The following CPVL variants were observed in gnomAD, a reference collection of about 807,000 sequenced individuals.
CPVL encodes carboxypeptidase vitellogenic like.
In CPVL, 51 loss-of-function variants were observed where a neutral mutation model predicts 63.7. The observed-to-expected ratio is 0.80, with a 90% confidence interval of 0.64 to 1.01. CPVL has a LOEUF of 1.01. Among genes scored for constraint, CPVL ranks in the 50% least tolerant of loss-of-function variants. CPVL has a pLI of 0.00. For missense variants in CPVL, 530 were observed against 573.1 expected (o/e 0.92, Z 0.77); for synonymous variants, 195 against 206.0 (o/e 0.95, Z 0.46).
intron 11 of CPVL, among the ~76,000 whole-genome samples, chr7:29,053,098 C>T (rs987052514): frequency 3.3e-5 from 5 of 152,164 alleles, no homozygotes; most frequent in Admixed American, 3.3e-4. Context: ...AATCAAAGCC[C>T]AATGAGATAG....
At chr7:29,182,141 C>T (rs1335392686) in intron 4 of CPVL, among the ~76,000 whole-genome samples, 2 of 152,248 alleles carry the variant, frequency 1.3e-5, no homozygotes, top group South Asian at 2.1e-4. Flanking sequence ...TGCTGTCTTC[C>T]TCTTAATGAA....
intron 11 of CPVL, among the ~76,000 whole-genome samples, chr7:29,060,339 T>C (rs160860): frequency 0.067 from 10,162 of 152,190 alleles, 365 homozygotes; most frequent in South Asian, 0.12. Flanking sequence ...CAAAGGAGCA[T>C]AGCCAGTGAC....
At chr7:29,171,540 C>T (rs1329360940) in intron 5 of CPVL, among the ~76,000 whole-genome samples, 4 of 152,120 alleles carry the variant, frequency 2.6e-5, no homozygotes, top group South Asian at 2.1e-4. Flanking sequence ...CTTTGAAGGG[C>T]TTTCTTTGTA....
At position 29,113,034 on chromosome 7, in the gene CPVL, T is replaced by C. The variant is rs1788409650; in HGVS notation, c.170-212A>G. On this transcript the variant is annotated intron_variant, in intron 2 of 12. Transcript: ENST00000265394. ...TTTAGCCAAGGATATGTGAAAGTTT[T>C]AAGCCTTTGGGGAGGGGTGCCCAAA... 8.5e-6 allele frequency: 4 copies of C among 473,306 alleles called. No homozygotes were observed. In the East Asian group the frequency reaches 9.2e-5, roughly 11 times the overall value. 29.3% of individuals were successfully genotyped at this position (473,306 alleles called of 1,614,324 possible).
upstream of CPVL, chr7:29,148,556 A>G (rs533452628): frequency 6.6e-6 from 1 of 152,366 alleles, no homozygotes; most frequent in African/African-American, 2.4e-5. Flanking sequence ...TACATTTATT[A>G]AAATAATTAA....
intron 5 of CPVL, among the ~76,000 whole-genome samples, chr7:29,158,841 T>C (rs1794787856): frequency 6.6e-6 from 1 of 152,220 alleles, no homozygotes; most frequent in Non-Finnish European, 1.5e-5. Flanking sequence ...GAGAGATACT[T>C]CTGACATTCC....
rs34421309 is a variant in CPVL, at chr7:29,069,440, C to CA, written c.864+2332dup. On this transcript the variant is annotated intron_variant, in intron 9 of 12. Transcript: ENST00000265394. ...TGGGCAAGAGAGCGAGACTCCGTCT[C>CA]AAAAAAAAAAAAAAAAAAAAGAAAA... 8.7e-4 allele frequency among the ~76,000 whole-genome samples: 71 copies of CA among 81,176 alleles called. 1 individual carries two copies. Among genetic ancestry groups the CA allele is most frequent in the East Asian group, 5.1e-3 (15 of 2,964 alleles). 53.3% of individuals were successfully genotyped at this position (81,176 alleles called of 152,430 possible).
intron 5 of CPVL, among the ~76,000 whole-genome samples, chr7:29,179,382 C>T (rs974509197): frequency 6.6e-6 from 1 of 152,208 alleles, no homozygotes; most frequent in African/African-American, 2.4e-5. Context: ...TTCAGTCAGC[C>T]TTGTTGAAGA....
intron 11 of CPVL, among the ~76,000 whole-genome samples, chr7:29,034,923 T>C (rs913202930): frequency 3.3e-5 from 5 of 151,720 alleles, no homozygotes; most frequent in African/African-American, 1.2e-4. Flanking sequence ...ATGAGTCTTT[T>C]GGAGAAATAA....
chr7:29,022,247 C>T (rs1002475677), intron 12 of CPVL, among the ~76,000 whole-genome samples: 4 of 152,160 alleles, frequency 2.6e-5, no homozygotes, highest in African/African-American at 7.2e-5. Flanking sequence ...GAGATCAACC[C>T]GGTCTGCTTG....
At chr7:29,014,180 A>G (rs1044151477) in intron 12 of CPVL, among the ~76,000 whole-genome samples, 1 of 152,164 alleles carries the variant, frequency 6.6e-6, no homozygotes, top group African/African-American at 2.4e-5. Context: ...TCAGATTTCC[A>G]TAAGTGGACA....
chr7:29,134,535 A>C lies in CPVL; in HGVS notation c.-11+11894T>G, dbSNP rs1791002748. On this transcript the variant is annotated intron_variant, in intron 1 of 12. Coordinates refer to ENST00000265394, the MANE Select transcript of CPVL (RefSeq NM_031311.5). ...GAAGCAGAATAACTCTCCAAAAACC[A>C]AAATGTCTTTAAGGAGATAAGAGAA... Among the ~76,000 whole-genome samples the C allele has an allele frequency of 2.6e-5, 4 of 152,224 alleles. No individual in the cohort carries two copies. The South Asian group carries it at 8.3e-4, about 32-fold the overall frequency.
At chr7:28,999,720 T>C (rs17157358) in intron 12 of CPVL, among the ~76,000 whole-genome samples, 2,223 of 152,334 alleles carry the variant, frequency 0.015, 49 homozygotes, top group African/African-American at 0.05. Flanking sequence ...CCTAATGGCA[T>C]TGTAAATTGT....
intron 1 of CPVL, chr7:29,194,850 G>T: frequency 8.2e-7 from 1 of 1,215,142 alleles, no homozygotes; most frequent in South Asian, 2.2e-5. Context: ...CATGGGCTGG[G>T]GGCCGCGGAG....
intron 9 of CPVL, among the ~76,000 whole-genome samples, chr7:29,071,118 A>C (rs67253715): frequency 0.12 from 18,875 of 152,104 alleles, 1,286 homozygotes; most frequent in Middle Eastern, 0.16. Context: ...GCAAAAAAAA[A>C]CAAAAAAAAC....
At chr7:29,145,370 AT>A (rs905193011) in intron 1 of CPVL, among the ~76,000 whole-genome samples, 2 of 152,000 alleles carry the variant, frequency 1.3e-5, no homozygotes, top group African/African-American at 4.8e-5. Context: ...GCTGTGGAAG[AT>A]AAGTTACGTC....
intron 10 of CPVL, 120 bp downstream of exon 10, chr7:29,065,903 G>A: frequency 1.7e-6 from 1 of 588,262 alleles, no homozygotes; most frequent in East Asian, 2.8e-5. Flanking sequence ...ACATCACGCG[G>A]TACAGTTTGG....
chr7:29,105,484 C>T (rs1297287461), intron 3 of CPVL, among the ~76,000 whole-genome samples: 1 of 152,170 alleles, frequency 6.6e-6, no homozygotes, highest in Non-Finnish European at 1.5e-5. Context: ...AGGGCTGAGA[C>T]AGAAAGACTG....
chr7:29,130,827 G>A (rs1045387236), intron 1 of CPVL, among the ~76,000 whole-genome samples: 3 of 152,174 alleles, frequency 2.0e-5, no homozygotes, highest in African/African-American at 7.2e-5. Flanking sequence ...GAATTTATAG[G>A]TACTGAAATT....
Sources: gnomAD v4.1 joint callset for allele counts (sites outside exome capture counted in the v4.1 genomes callset) on GRCh38, gnomAD v4.1.1 for gene constraint, MANE v1.5 for transcripts, NCBI Gene and HGNC (gene_info 2026-07-23, HGNC 2026-07-21) for gene names.